RNF13: variants seen among roughly 807,000 people sequenced by gnomAD.
RNF13 encodes the protein E3 ubiquitin-protein ligase RNF13.
In RNF13, 19 loss-of-function variants were observed where a neutral mutation model predicts 37.7. The observed-to-expected ratio is 0.50, with a 90% CI of 0.35 to 0.74. The LOEUF is 0.74. Ranked by LOEUF, RNF13 falls within the 30% of genes least tolerant of loss-of-function variation. RNF13 has a pLI of 0.01. For missense variants in RNF13, 375 were observed against 453.0 expected, an observed-to-expected ratio of 0.83 and a Z score of 1.56; for synonymous variants, 144 against 157.8, an observed-to-expected ratio of 0.91 and a Z score of 0.65.
chr3:149,863,569 A>G (rs1404933896), intron 3 of RNF13, among the ~76,000 whole-genome samples: 1 of 151,980 alleles, frequency 6.6e-6, no homozygotes, highest in East Asian at 1.9e-4. Context: ...TAGTAGAGAC[A>G]GGGTTTCACC....
intron 2 of RNF13, among the ~76,000 whole-genome samples, chr3:149,850,116 A>T (rs545255275): frequency 6.6e-6 from 1 of 151,976 alleles, no homozygotes; most frequent in South Asian, 2.1e-4. Context: ...AGTAGCTGGG[A>T]TTACAGGCAT....
chr3:149,914,170 G>A (rs558426463), intron 7 of RNF13, among the ~76,000 whole-genome samples: 1 of 152,014 alleles, frequency 6.6e-6, no homozygotes, highest in Admixed American at 6.5e-5. Flanking sequence ...GTGTTCCTTT[G>A]ATTCAACGCT....
intron 3 of RNF13, among the ~76,000 whole-genome samples, chr3:149,854,590 G>A (rs570325736): frequency 3.9e-4 from 59 of 152,298 alleles, no homozygotes; most frequent in African/African-American, 1.3e-3. Flanking sequence ...GCCTGGACAG[G>A]CAGTTTCTAA....
intron 4 of RNF13, among the ~76,000 whole-genome samples, chr3:149,872,969 T>C (rs1712252971): frequency 6.6e-6 from 1 of 152,232 alleles, no homozygotes; most frequent in African/African-American, 2.4e-5. Context: ...ATAGTTATTG[T>C]TACTACTTTA....
chr3:149,918,333 A>G (rs868133687), intron 7 of RNF13, among the ~76,000 whole-genome samples: 3 of 152,116 alleles, frequency 2.0e-5, no homozygotes, highest in African/African-American at 7.2e-5. Flanking sequence ...ATAGTCTTCT[A>G]AATTTTTTGT....
At chr3:149,829,817 A>G (rs554077710) in intron 1 of RNF13, among the ~76,000 whole-genome samples, 1 of 152,272 alleles carries the variant, frequency 6.6e-6, no homozygotes, top group East Asian at 1.9e-4. Flanking sequence ...TTCGAATTAT[A>G]GCTCCTATAA....
At chr3:149,845,589 T>A (rs1014575784) in intron 1 of RNF13, among the ~76,000 whole-genome samples, 17 of 152,236 alleles carry the variant, frequency 1.1e-4, no homozygotes, top group Non-Finnish European at 4.4e-5. Context: ...AATTTACATG[T>A]GAATTTATAT....
chr3:149,870,735 G>A (rs999122959), intron 3 of RNF13, among the ~76,000 whole-genome samples: 1 of 151,810 alleles, frequency 6.6e-6, no homozygotes, highest in Admixed American at 6.6e-5. Flanking sequence ...AAGAAGAGGA[G>A]CTATTATATG....
At chr3:149,847,791 C>A (rs1288499988) in intron 2 of RNF13, among the ~76,000 whole-genome samples, 5 of 152,170 alleles carry the variant, frequency 3.3e-5, no homozygotes, top group Non-Finnish European at 7.3e-5. Flanking sequence ...TGTCTCCTTT[C>A]TCTCCTTTGA....
intron 6 of RNF13, among the ~76,000 whole-genome samples, chr3:149,902,938 A>G (rs749200057): frequency 6.6e-5 from 10 of 152,026 alleles, no homozygotes; most frequent in Non-Finnish European, 1.0e-4. Context: ...CCTCACAACA[A>G]CCCTCTAGTG....
intron 3 of RNF13, among the ~76,000 whole-genome samples, chr3:149,864,842 AAG>A (rs918601513): frequency 1.3e-5 from 2 of 152,220 alleles, no homozygotes; most frequent in Non-Finnish European, 2.9e-5. Context: ...TCAAATAAAA[AAG>A]AAATTATTGA....
At chr3:149,864,849 T>A (rs1415023956) in intron 3 of RNF13, among the ~76,000 whole-genome samples, 1 of 152,180 alleles carries the variant, frequency 6.6e-6, no homozygotes, top group South Asian at 2.1e-4. Context: ...AAAAAGAAAT[T>A]ATTGATCATA....
chr3:149,826,669 A>C (rs1720539053), intron 1 of RNF13, among the ~76,000 whole-genome samples: 1 of 152,232 alleles, frequency 6.6e-6, no homozygotes, highest in East Asian at 1.9e-4. Context: ...ATTATGAAAC[A>C]TGCAGATAAA....
At chr3:149,889,160 A>C (rs1361429483) in intron 4 of RNF13, among the ~76,000 whole-genome samples, 2 of 151,350 alleles carry the variant, frequency 1.3e-5, no homozygotes, top group Non-Finnish European at 2.9e-5. Flanking sequence ...GATGGTCTTT[A>C]TCTCTTGACC....
At chr3:149,950,930 T>C (rs936966983) in intron 8 of RNF13, among the ~76,000 whole-genome samples, 2 of 152,090 alleles carry the variant, frequency 1.3e-5, no homozygotes, top group Non-Finnish European at 2.9e-5. Flanking sequence ...GGGAGTTGGG[T>C]ATTTTTGCCC....
chr3:149,939,097 C>T (rs774716349), intron 8 of RNF13: 3 of 512,514 alleles, frequency 5.9e-6, no homozygotes, highest in Non-Finnish European at 1.1e-5. Context: ...ATGTCTTCTA[C>T]AGAACTAGGT....
intron 4 of RNF13, among the ~76,000 whole-genome samples, chr3:149,888,572 A>G (rs1287093306): frequency 6.6e-6 from 1 of 152,270 alleles, no homozygotes; most frequent in South Asian, 2.1e-4. Context: ...AAACAGCACT[A>G]TAATTCAGAT....
chr3:149,919,342 C>T (rs1258462805), intron 7 of RNF13, among the ~76,000 whole-genome samples: 1 of 152,114 alleles, frequency 6.6e-6, no homozygotes, highest in Non-Finnish European at 1.5e-5. Context: ...ATATTAACCA[C>T]CCTAAAAAGT....
chr3:149,961,361 TA>T lies in RNF13; in HGVS notation c.*270del, dbSNP rs61689176. 0.022 allele frequency: 11,101 copies of T among 511,654 alleles called. No individual in the cohort carries two copies. Among genetic ancestry groups the T allele is most frequent in the South Asian group, 0.025 (1,396 of 56,130 alleles). 31.7% of individuals were successfully genotyped at this position (511,654 alleles called of 1,614,324 possible). On this transcript the variant is annotated 3_prime_UTR_variant, in exon 10 of 10. Transcript: ENST00000392894. ...TTGGAATGAAAGTATAGCCAAAACA[TA>T]AAAAAAAAAAAATCCTCAGTATAGC...
Sources: allele counts gnomAD v4.1 joint callset (sites outside exome capture counted in the v4.1 genomes callset), GRCh38; gene constraint gnomAD v4.1.1; transcripts MANE v1.5; gene names NCBI Gene and HGNC (gene_info 2026-07-23, HGNC 2026-07-21).